The following MAGI1 variants were observed in gnomAD, a reference collection of about 807,000 sequenced individuals.
MAGI1 encodes the protein membrane-associated guanylate kinase, WW and PDZ domain-containing protein 1.
MAGI1 carries 58 observed loss-of-function variants against 139.9 expected under a neutral mutation model. The observed-to-expected ratio is 0.41, with a 90% CI of 0.34 to 0.52. The LOEUF is 0.52. Among genes scored for constraint, MAGI1 ranks in the 20% least tolerant of loss-of-function variants. The pLI, the probability that MAGI1 is intolerant of heterozygous loss-of-function variation, is 0.12. For missense variants in MAGI1, 1,874 were observed against 1,901.6 expected (o/e 0.99, Z 0.27); for synonymous variants, 812 against 737.9 (o/e 1.10, Z -1.63).
chr3:65,749,748 C>T lies in MAGI1; in HGVS notation c.314-127660G>A, dbSNP rs77657684. On this transcript the variant is annotated intron_variant, in intron 1 of 22. Coordinates refer to ENST00000402939, the MANE Select transcript of MAGI1 (RefSeq NM_001033057.2). Reference sequence around the variant, plus strand: ...AAAAAACTGCTGTGGGCCAATCATTCGTTATGCAAATGAGGTTGAGGGTTA... The same window carrying T: ...AAAAAACTGCTGTGGGCCAATCATTTGTTATGCAAATGAGGTTGAGGGTTA... 1.4e-3 allele frequency among the ~76,000 whole-genome samples: 212 copies of T among 149,184 alleles called. 2 individuals carry two copies. Among genetic ancestry groups the T allele is most frequent in the Middle Eastern group, 3.5e-3 (1 of 282 alleles).
At position 65,370,448 on chromosome 3, in the gene MAGI1, T is replaced by A. The variant is rs185836899; in HGVS notation, c.3196+5297A>T. Among the ~76,000 whole-genome samples, 18 of 152,292 alleles carry A rather than the reference T, an allele frequency of 1.2e-4. No individual in the cohort carries two copies. In the East Asian group the frequency reaches 3.5e-3, roughly 29 times the overall value. On this transcript the variant is annotated intron_variant, in intron 18 of 22. Coordinates refer to ENST00000402939, the MANE Select transcript of MAGI1 (RefSeq NM_001033057.2). ...CATGTATTGCCTTAAAAAATATCAA[T>A]CCTCAACTATGTTGTACCAGTTTTA...
intron 1 of MAGI1, among the ~76,000 whole-genome samples, chr3:65,989,781 G>A (rs2066068824): frequency 6.6e-6 from 1 of 152,074 alleles, no homozygotes; most frequent in Non-Finnish European, 1.5e-5. Context: ...CAAGTGACCC[G>A]CCCACCTCAG....
intron 1 of MAGI1, among the ~76,000 whole-genome samples, chr3:65,990,426 C>T (rs543260963): frequency 6.6e-6 from 1 of 152,296 alleles, no homozygotes; most frequent in South Asian, 2.1e-4. Flanking sequence ...CAAAGAATGA[C>T]CCTCTGGTAA....
Position 65,911,863 on chromosome 3 carries a change from G to C in MAGI1, c.313+126133C>G, listed in dbSNP as rs571243346. Among the ~76,000 whole-genome samples, 4 of 152,298 alleles carry C rather than the reference G, an allele frequency of 2.6e-5. No individual in the cohort carries two copies. In the East Asian group the frequency reaches 5.8e-4, roughly 22 times the overall value. On this transcript the variant is annotated intron_variant, in intron 1 of 22. Transcript: ENST00000402939. ...GTTTCTGTGTAAGGCACTGTGCTTA[G>C]TGGCTTCCTGTTCGTTACTGCATTT... is the stretch of plus-strand genomic sequence containing the variant.
chr3:65,526,000 G>A (rs1401949626), intron 2 of MAGI1, among the ~76,000 whole-genome samples: 1 of 152,078 alleles, frequency 6.6e-6, no homozygotes, highest in Non-Finnish European at 1.5e-5. Flanking sequence ...ATGGAAAAAG[G>A]CTTCCTAATC....
intron 1 of MAGI1, among the ~76,000 whole-genome samples, chr3:65,657,808 T>G (rs541649148): frequency 6.6e-6 from 1 of 152,174 alleles, no homozygotes; most frequent in Non-Finnish European, 1.5e-5. Flanking sequence ...AGTGAAGTGA[T>G]AGCATGAAAA....
At chr3:65,726,125 A>T (rs1040704119) in intron 1 of MAGI1, among the ~76,000 whole-genome samples, 9 of 152,192 alleles carry the variant, frequency 5.9e-5, no homozygotes, top group Admixed American at 5.2e-4. Flanking sequence ...GCTGCATATG[A>T]ATCAGTCTTT....
chr3:65,859,613 CAGG>C (rs2059481070), intron 1 of MAGI1, among the ~76,000 whole-genome samples: 1 of 151,670 alleles, frequency 6.6e-6, no homozygotes, highest in Non-Finnish European at 1.5e-5. Flanking sequence ...TGGCACTACT[CAGG>C]AGGCTGAGGC....
intron 1 of MAGI1, among the ~76,000 whole-genome samples, chr3:65,812,445 T>TTCTCTCTCTCTCTCTC (rs530333757): frequency 7.7e-6 from 1 of 130,596 alleles, no homozygotes; most frequent in Non-Finnish European, 1.7e-5. Flanking sequence ...CTCTCTCTCT[T>TTCTCTCTCTCTCTCTC]TCTCTCTCTC....
At chr3:65,737,735 A>G (rs1332238396) in intron 1 of MAGI1, among the ~76,000 whole-genome samples, 1 of 152,198 alleles carries the variant, frequency 6.6e-6, no homozygotes, top group Admixed American at 6.5e-5. Context: ...ACAACCAATG[A>G]AAGATTTTAA....
At chr3:65,622,160 G>A (rs972341803) in intron 1 of MAGI1, 72 bp from the exon 2 acceptor site, 28 of 1,068,870 alleles carry the variant, frequency 2.6e-5, no homozygotes, top group Non-Finnish European at 4.1e-5. Context: ...GCCAAGAACT[G>A]ATTGCAAGAA....
chr3:65,976,296 A>C lies in MAGI1; in HGVS notation c.313+61700T>G, dbSNP rs1243869246. ...GCCATTTTTTAAACGGAGTGGGATG[A>C]GGGATGCTAAGATGTAGGCCATACA... On this transcript the variant is annotated intron_variant, in intron 1 of 22. Coordinates refer to ENST00000402939, the MANE Select transcript of MAGI1 (RefSeq NM_001033057.2). 2.0e-5 allele frequency among the ~76,000 whole-genome samples: 3 copies of C among 152,178 alleles called. No homozygotes were observed. The East Asian group carries it at 5.8e-4, about 29-fold the overall frequency.
intron 13 of MAGI1, among the ~76,000 whole-genome samples, chr3:65,400,750 ATTTTTTTTTTTTTTTTTTTTTT>A (rs767598706): frequency 2.0e-4 from 12 of 60,600 alleles, no homozygotes; most frequent in East Asian, 4.4e-4. Context: ...CAAAACATTG[ATTTTTTTTTTTTTTTTTTTTTT>A]TTTTTTTTTT....
At chr3:65,552,801 C>G (rs2079905228) in intron 2 of MAGI1, among the ~76,000 whole-genome samples, 1 of 152,214 alleles carries the variant, frequency 6.6e-6, no homozygotes, top group South Asian at 2.1e-4. Flanking sequence ...CACAGCCACT[C>G]TTGACATGAC....
intron 1 of MAGI1, among the ~76,000 whole-genome samples, chr3:65,985,822 G>C (rs1227961355): frequency 6.6e-6 from 1 of 152,196 alleles, no homozygotes; most frequent in Non-Finnish European, 1.5e-5. Flanking sequence ...AGATGAAAAG[G>C]ATAGTGAGTG....
chr3:65,450,992 G>A (rs1369481787), intron 6 of MAGI1, among the ~76,000 whole-genome samples: 2 of 151,996 alleles, frequency 1.3e-5, no homozygotes, highest in Non-Finnish European at 2.9e-5. Flanking sequence ...GTGTGTACAG[G>A]CACACAGATA....
intron 1 of MAGI1, among the ~76,000 whole-genome samples, chr3:65,839,955 G>C (rs1177777382): frequency 6.6e-6 from 1 of 152,022 alleles, no homozygotes; most frequent in Non-Finnish European, 1.5e-5. Context: ...GCACTTTATA[G>C]TTGTCACCAT....
intron 1 of MAGI1, among the ~76,000 whole-genome samples, chr3:65,793,045 A>G (rs1288150276): frequency 6.6e-6 from 1 of 152,174 alleles, no homozygotes; most frequent in Non-Finnish European, 1.5e-5. Context: ...GACCCTAGAG[A>G]TAAGTCTCAT....
intron 1 of MAGI1, among the ~76,000 whole-genome samples, chr3:65,760,517 T>C (rs777323858): frequency 6.6e-6 from 1 of 151,486 alleles, no homozygotes; most frequent in African/African-American, 2.4e-5. Context: ...ATATAGAAGA[T>C]AGGAATAGAT....
Sources: allele counts gnomAD v4.1 joint callset (sites outside exome capture counted in the v4.1 genomes callset), GRCh38; gene constraint gnomAD v4.1.1; transcripts MANE v1.5; gene names NCBI Gene and HGNC (gene_info 2026-07-23, HGNC 2026-07-21).